RAB38: variants seen among roughly 807,000 people sequenced by gnomAD.
RAB38 encodes RAB38, member RAS oncogene family.
A neutral mutation model predicts 18.4 loss-of-function variants in RAB38; 15 were observed. The observed-to-expected ratio is 0.82, with a 90% CI of 0.55 to 1.26. The LOEUF (loss-of-function observed/expected upper bound fraction) is 1.26. Ranked by LOEUF, RAB38 falls within the 50% of genes most tolerant of loss-of-function variation. The pLI is 0.00. For missense variants in RAB38, 294 were observed against 267.4 expected, an observed-to-expected ratio of 1.10 and a Z score of -0.69; for synonymous variants, 101 against 104.4, an observed-to-expected ratio of 0.97 and a Z score of 0.20.
At chr11:87,924,457 G>A in the RAB38 span, among the ~76,000 whole-genome samples, 1 of 151,990 alleles carries the variant, frequency 6.6e-6, no homozygotes, top group Non-Finnish European at 1.5e-5. Flanking sequence ...AGTCCTTGGA[G>A]GTCATAAACT....
chr11:88,015,899 C>A, the RAB38 span, among the ~76,000 whole-genome samples: 1 of 152,178 alleles, frequency 6.6e-6, no homozygotes, highest in Non-Finnish European at 1.5e-5. Flanking sequence ...ACACTGGCCA[C>A]TTGGGAGGTC....
rs140755517 is a variant in RAB38 at position 88,145,281 on chromosome 11, C to T, written c.483+4394G>A. On this transcript the variant is annotated intron_variant, in intron 2 of 2. Coordinates refer to ENST00000243662, the MANE Select transcript of RAB38 (RefSeq NM_022337.3). ...TCTCCTACCTCAGCCTCCCAAGTAG[C>T]TGGGATTAACAGGTGCCTGCTGCCA... 7.4e-3 allele frequency among the ~76,000 whole-genome samples: 1,119 copies of T among 151,990 alleles called. 15 individuals are homozygous for T. The highest frequency in any genetic ancestry group is 0.026 in the African/African-American group (1,073 of 41,446).
At chr11:88,004,985 CTAAA>C in the RAB38 span, among the ~76,000 whole-genome samples, 2 of 151,024 alleles carry the variant, frequency 1.3e-5, no homozygotes, top group Admixed American at 6.6e-5. Flanking sequence ...TAAAGTATAC[CTAAA>C]TAAAGAGGGA....
At chr11:88,031,407 G>T in the RAB38 span, among the ~76,000 whole-genome samples, 2 of 150,438 alleles carry the variant, frequency 1.3e-5, no homozygotes, top group African/African-American at 4.9e-5. Flanking sequence ...GGAAATAAAG[G>T]GTATTCAATT....
At chr11:87,803,818 G>C in the RAB38 span, among the ~76,000 whole-genome samples, 1 of 152,186 alleles carries the variant, frequency 6.6e-6, no homozygotes, top group Non-Finnish European at 1.5e-5. Context: ...AAGATGGAAG[G>C]AATAAAGGGT....
the RAB38 span, among the ~76,000 whole-genome samples, chr11:87,819,419 G>A: frequency 6.7e-6 from 1 of 148,690 alleles, no homozygotes. Flanking sequence ...ACTGAAAAAC[G>A]AGAAAATGAG....
chr11:88,138,073 A>G (rs1942858390), intron 2 of RAB38, among the ~76,000 whole-genome samples: 2 of 152,192 alleles, frequency 1.3e-5, no homozygotes, highest in Non-Finnish European at 2.9e-5. Flanking sequence ...GGACAAATAA[A>G]TGGAATCCAG....
the RAB38 span, among the ~76,000 whole-genome samples, chr11:87,901,302 T>C: frequency 4.6e-5 from 7 of 151,572 alleles, no homozygotes; most frequent in African/African-American, 1.7e-4. Flanking sequence ...GGCAGGCGTA[T>C]AATATGATAA....
At chr11:87,912,051 G>A in the RAB38 span, among the ~76,000 whole-genome samples, 1 of 151,742 alleles carries the variant, frequency 6.6e-6, no homozygotes, top group Non-Finnish European at 1.5e-5. Flanking sequence ...ACATTTCTGG[G>A]ATAAACTTGG....
the RAB38 span, chr11:88,098,516 T>C: frequency 6.6e-6 from 1 of 152,004 alleles, no homozygotes; most frequent in African/African-American, 2.4e-5. Flanking sequence ...GCTAGTTGCA[T>C]GACCTCATAA....
At chr11:88,031,691 C>T in the RAB38 span, among the ~76,000 whole-genome samples, 2 of 151,010 alleles carry the variant, frequency 1.3e-5, no homozygotes, top group Non-Finnish European at 3.0e-5. Context: ...AGGACCTCTT[C>T]AAGGAGAACT....
In RAB38 at chr11:88,161,082, A is replaced by C. The variant is rs78294449; in HGVS notation, c.203-11127T>G. Among the ~76,000 whole-genome samples, 140 of 152,260 alleles carry C rather than the reference A, an allele frequency of 9.2e-4. 3 individuals carry two copies. In the East Asian group the frequency reaches 0.025, roughly 27 times the overall value. The stretch of plus-strand genomic sequence containing the variant: ...TTACTCTCTGCTGTTTTAGCTATTC[A>C]GTGACTCTTATATGCCCAAGAAAAA... On this transcript the variant is annotated intron_variant, in intron 1 of 2. Coordinates refer to ENST00000243662, the MANE Select transcript of RAB38 (RefSeq NM_022337.3).
At chr11:87,898,080 C>G in the RAB38 span, among the ~76,000 whole-genome samples, 2 of 151,400 alleles carry the variant, frequency 1.3e-5, no homozygotes, top group Non-Finnish European at 3.0e-5. Flanking sequence ...GAGAAATATC[C>G]CAACTCTTCA....
chr11:87,888,631 T>A, the RAB38 span, among the ~76,000 whole-genome samples: 2 of 151,890 alleles, frequency 1.3e-5, no homozygotes, highest in African/African-American at 2.4e-5. Context: ...TGGTAAACGT[T>A]CAAGAACAAG....
At chr11:88,080,266 T>G in the RAB38 span, among the ~76,000 whole-genome samples, 2 of 151,682 alleles carry the variant, frequency 1.3e-5, no homozygotes, top group South Asian at 2.1e-4. Context: ...CTACACACAA[T>G]TAGAAATTTA....
chr11:87,912,742 C>T, the RAB38 span, among the ~76,000 whole-genome samples: 1 of 102,408 alleles, frequency 9.8e-6, no homozygotes, highest in Admixed American at 9.0e-5. Context: ...TTTCTACTTA[C>T]TTTGGGTTTA....
At chr11:87,961,760 C>G in the RAB38 span, among the ~76,000 whole-genome samples, 3 of 152,148 alleles carry the variant, frequency 2.0e-5, no homozygotes, top group Non-Finnish European at 4.4e-5. Context: ...TAGCCACAGA[C>G]CAAATACTAC....
At chr11:88,043,883 G>C in the RAB38 span, among the ~76,000 whole-genome samples, 2 of 152,164 alleles carry the variant, frequency 1.3e-5, no homozygotes, top group African/African-American at 2.4e-5. Flanking sequence ...CTGAGAGAAA[G>C]ATCCACCTAT....
the RAB38 span, among the ~76,000 whole-genome samples, chr11:88,101,457 T>C: frequency 3.3e-5 from 5 of 151,896 alleles, no homozygotes; most frequent in African/African-American, 1.2e-4. Context: ...TATATTCACC[T>C]TCAAAATTTA....
Sources: gnomAD v4.1 joint callset for allele counts (sites outside exome capture counted in the v4.1 genomes callset) on GRCh38, gnomAD v4.1.1 for gene constraint, MANE v1.5 for transcripts, NCBI Gene and HGNC (gene_info 2026-07-23, HGNC 2026-07-21) for gene names.